The following EFNA5 variants were observed in gnomAD, a reference collection of about 807,000 sequenced individuals.
EFNA5 encodes the protein ephrin A5, also known as ephrin-A5.
Under a neutral mutation model 22.9 loss-of-function variants are expected in EFNA5, and 5 were observed. That is an observed-to-expected ratio of 0.22 (90% CI 0.11 to 0.46). The LOEUF (loss-of-function observed/expected upper bound fraction) is 0.46. Among genes scored for constraint, EFNA5 ranks in the 20% least tolerant of loss-of-function variants. EFNA5 has a pLI of 0.99. For missense variants in EFNA5, 237 were observed against 293.3 expected, an observed-to-expected ratio of 0.81 and a Z score of 1.40; for synonymous variants, 113 against 112.2, an observed-to-expected ratio of 1.01 and a Z score of -0.04.
At chr5:107,598,986 G>A (rs1265450342) in intron 1 of EFNA5, among the ~76,000 whole-genome samples, 2 of 152,140 alleles carry the variant, frequency 1.3e-5, no homozygotes, top group East Asian at 1.9e-4. Flanking sequence ...TGGATTGGGG[G>A]CATCCTACAG....
intron 1 of EFNA5, among the ~76,000 whole-genome samples, chr5:107,543,588 A>C (rs139036834): frequency 3.3e-5 from 5 of 152,360 alleles, no homozygotes; most frequent in African/African-American, 1.2e-4. Flanking sequence ...TGATTAAATA[A>C]ACTTTATATA....
At chr5:107,536,177 T>C (rs1034299971) in intron 1 of EFNA5, among the ~76,000 whole-genome samples, 3 of 152,214 alleles carry the variant, frequency 2.0e-5, no homozygotes, top group African/African-American at 7.2e-5. Context: ...CTTTTCAACA[T>C]TCTCACTGCC....
chr5:107,607,096 G>A (rs1749739462), intron 1 of EFNA5, among the ~76,000 whole-genome samples: 1 of 152,092 alleles, frequency 6.6e-6, no homozygotes, highest in African/African-American at 2.4e-5. Flanking sequence ...CATTAGCCTT[G>A]AGTTTCAAAG....
chr5:107,468,550 T>C (rs1258446798), intron 1 of EFNA5, among the ~76,000 whole-genome samples: 2 of 152,210 alleles, frequency 1.3e-5, no homozygotes, highest in Non-Finnish European at 2.9e-5. Context: ...GAGGCACTCC[T>C]AGCCTGGAGG....
intron 1 of EFNA5, among the ~76,000 whole-genome samples, chr5:107,666,632 A>T (rs1751080213): frequency 6.6e-6 from 1 of 152,180 alleles, no homozygotes; most frequent in South Asian, 2.1e-4. Flanking sequence ...CCTTAACAGA[A>T]GCAAAGCACC....
chr5:107,611,491 G>C (rs755750050), intron 1 of EFNA5, among the ~76,000 whole-genome samples: 5 of 152,168 alleles, frequency 3.3e-5, no homozygotes, highest in Non-Finnish European at 5.9e-5. Context: ...GTAAAAGAGG[G>C]TTGGGATTAC....
chr5:107,418,631 T>G (rs1748569829), intron 2 of EFNA5, among the ~76,000 whole-genome samples: 1 of 152,286 alleles, frequency 6.6e-6, no homozygotes, highest in South Asian at 2.1e-4. Flanking sequence ...TAAAAATTAT[T>G]TTGGTTTTGA....
At chr5:107,432,067 G>T (rs1415831877) in intron 1 of EFNA5, among the ~76,000 whole-genome samples, 1 of 152,112 alleles carries the variant, frequency 6.6e-6, no homozygotes, top group Non-Finnish European at 1.5e-5. Flanking sequence ...ATTTACACTG[G>T]TCTTCTAGCA....
intron 1 of EFNA5, among the ~76,000 whole-genome samples, chr5:107,431,108 G>A (rs148275161): frequency 7.9e-5 from 12 of 152,210 alleles, no homozygotes; most frequent in South Asian, 2.1e-4. Flanking sequence ...GCAGCCATAC[G>A]ACGAAGAAAA....
At chr5:107,555,464 T>G (rs1748391672) in intron 1 of EFNA5, among the ~76,000 whole-genome samples, 1 of 152,242 alleles carries the variant, frequency 6.6e-6, no homozygotes. Flanking sequence ...ATCATTATTT[T>G]ATTCTACAAT....
At chr5:107,628,122 A>G (rs1230214161) in intron 1 of EFNA5, among the ~76,000 whole-genome samples, 1 of 152,212 alleles carries the variant, frequency 6.6e-6, no homozygotes. Flanking sequence ...AGGTATTGTT[A>G]TCATATCTAT....
chr5:107,551,948 AT>A (rs1748309248), intron 1 of EFNA5, among the ~76,000 whole-genome samples: 1 of 152,318 alleles, frequency 6.6e-6, no homozygotes, highest in East Asian at 1.9e-4. Flanking sequence ...GCTGAAAAAA[AT>A]CTCCACTACT....
intron 1 of EFNA5, among the ~76,000 whole-genome samples, chr5:107,611,584 T>C (rs1749820372): frequency 6.6e-6 from 1 of 152,212 alleles, no homozygotes. Context: ...TCCAGAAGGT[T>C]ATTTCCTTTA....
At chr5:107,455,422 A>T (rs983922146) in intron 1 of EFNA5, among the ~76,000 whole-genome samples, 1 of 152,204 alleles carries the variant, frequency 6.6e-6, no homozygotes, top group Non-Finnish European at 1.5e-5. Context: ...AAAAAAATGC[A>T]CATTAAACAC....
chr5:107,529,197 C>T (rs192851240), intron 1 of EFNA5, among the ~76,000 whole-genome samples: 19 of 152,166 alleles, frequency 1.2e-4, no homozygotes, highest in Middle Eastern at 6.8e-3. Context: ...TAAATGGTTG[C>T]TATGATTTGA....
At chr5:107,463,989 G>A (rs1428288968) in intron 1 of EFNA5, among the ~76,000 whole-genome samples, 1 of 152,178 alleles carries the variant, frequency 6.6e-6, no homozygotes, top group Non-Finnish European at 1.5e-5. Flanking sequence ...AGCATGGGAA[G>A]TGGGTTAAAT....
chr5:107,595,732 C>T (rs954943727), intron 1 of EFNA5, among the ~76,000 whole-genome samples: 1 of 152,092 alleles, frequency 6.6e-6, no homozygotes, highest in Non-Finnish European at 1.5e-5. Context: ...TCAGACAGAC[C>T]CAGATTTCTT....
At position 107,522,386 on chromosome 5, in the gene EFNA5, CTCTT is replaced by C. The variant is rs1307154442; in HGVS notation, c.126-94881_126-94878del. Among the ~76,000 whole-genome samples the C allele has an allele frequency of 3.9e-5, 6 of 152,076 alleles. No homozygotes were observed. In the East Asian group the frequency reaches 7.7e-4, roughly 20 times the overall value. On this transcript the variant is annotated intron_variant, in intron 1 of 4. Coordinates refer to ENST00000333274, the MANE Select transcript of EFNA5 (RefSeq NM_001962.3). ...CTATGTCTCCTGGCTCTTTCTCACTCTCTTTCTTTTTTTCTTTGTCTTTTTTTAA... is the reference window on the plus strand; with the variant it reads ...CTATGTCTCCTGGCTCTTTCTCACTCTCTTTTTTTCTTTGTCTTTTTTTAA...
intron 1 of EFNA5, among the ~76,000 whole-genome samples, chr5:107,555,461 T>C (rs1348406693): frequency 6.6e-6 from 1 of 152,232 alleles, no homozygotes; most frequent in Non-Finnish European, 1.5e-5. Context: ...TTCATCATTA[T>C]TTTATTCTAC....
Sources: gnomAD v4.1 joint callset for allele counts (sites outside exome capture counted in the v4.1 genomes callset) on GRCh38, gnomAD v4.1.1 for gene constraint, MANE v1.5 for transcripts, NCBI Gene and HGNC (gene_info 2026-07-23, HGNC 2026-07-21) for gene names.